GPATCH2: variants seen among roughly 807,000 people sequenced by gnomAD.
GPATCH2 encodes the protein G-patch domain containing 2.
GPATCH2 carries 51 observed loss-of-function variants against 58.0 expected under a neutral mutation model. The ratio of observed to expected loss-of-function variants is 0.88; its 90% CI spans 0.70 to 1.11. The LOEUF (loss-of-function observed/expected upper bound fraction) is 1.11. GPATCH2 is among the 50% of genes most tolerant of loss of function. The pLI is 0.00. For missense variants in GPATCH2, 625 were observed against 652.2 expected (o/e 0.96, Z 0.45); for synonymous variants, 222 against 218.5 (o/e 1.02, Z -0.14).
intron 1 of GPATCH2, among the ~76,000 whole-genome samples, chr1:217,629,902 G>C (rs1031629159): frequency 6.6e-6 from 1 of 152,194 alleles, no homozygotes; most frequent in African/African-American, 2.4e-5. Flanking sequence ...TAACTTTTCA[G>C]TGATAGGTGA....
chr1:217,429,406 A>T lies in GPATCH2; in HGVS notation c.*1739T>A, dbSNP rs1226850753. The T allele has an allele frequency of 6.6e-6, 1 of 152,180 alleles. No individual in the cohort carries two copies. The highest frequency in any genetic ancestry group is 2.4e-5 in the African/African-American group (1 of 41,438). 9.4% of individuals were successfully genotyped at this position (152,180 alleles called of 1,614,324 possible). On this transcript the variant is annotated 3_prime_UTR_variant, in exon 10 of 10. Transcript: ENST00000366935. ...AGAAGATAATTCTCAAGAAATGTACATTTGGCAAACCGTGAAGGCTTTCAA... is the reference window on the plus strand; with the variant it reads ...AGAAGATAATTCTCAAGAAATGTACTTTTGGCAAACCGTGAAGGCTTTCAA...
rs371312734 is a variant in GPATCH2, at chr1:217,626,092, C to G, written c.56+4824G>C. ...TTATCACCTAGTACTGGGTAAAACTCTCATCTTTACTTCTCTAAAACATGG... is the reference window on the plus strand; with the variant it reads ...TTATCACCTAGTACTGGGTAAAACTGTCATCTTTACTTCTCTAAAACATGG... On this transcript the variant is annotated intron_variant, in intron 1 of 9. Transcript: ENST00000366935. Among the ~76,000 whole-genome samples, 4 of 152,216 alleles carry G rather than the reference C, an allele frequency of 2.6e-5. No homozygotes were observed. In the East Asian group the frequency reaches 7.7e-4, roughly 29 times the overall value.
At chr1:217,481,006 G>C (rs2102517103) in intron 8 of GPATCH2, among the ~76,000 whole-genome samples, 1 of 152,262 alleles carries the variant, frequency 6.6e-6, no homozygotes, top group South Asian at 2.1e-4. Context: ...ACCAGAGACT[G>C]GGAAGGGGAG....
At chr1:217,533,467 C>T (rs1274016905) in intron 5 of GPATCH2, among the ~76,000 whole-genome samples, 3 of 152,080 alleles carry the variant, frequency 2.0e-5, no homozygotes, top group Non-Finnish European at 4.4e-5. Context: ...CCCTTGGGGA[C>T]CCACTGAAAG....
At chr1:217,433,372 ATATATATATATATT>A (rs1262442774) in intron 9 of GPATCH2, among the ~76,000 whole-genome samples, 3 of 83,110 alleles carry the variant, frequency 3.6e-5, no homozygotes, top group African/African-American at 2.1e-4. Context: ...ATATATATAT[ATATATATATATATT>A]TATTTATTTA....
At chr1:217,449,389 T>C (rs1490954755) in intron 8 of GPATCH2, 52 bp from the exon 9 acceptor site, 2 of 1,028,546 alleles carry the variant, frequency 1.9e-6, no homozygotes, top group Non-Finnish European at 1.5e-6. Context: ...AAATGACACA[T>C]AAATACACAG....
intron 9 of GPATCH2, among the ~76,000 whole-genome samples, chr1:217,431,657 C>T (rs1658540281): frequency 6.6e-6 from 1 of 152,172 alleles, no homozygotes; most frequent in South Asian, 2.1e-4. Flanking sequence ...TTGCCTATCT[C>T]ACAGAACTTT....
At chr1:217,545,127 C>T (rs1380120157) in intron 5 of GPATCH2, among the ~76,000 whole-genome samples, 4 of 152,166 alleles carry the variant, frequency 2.6e-5, no homozygotes, top group African/African-American at 9.7e-5. Context: ...TCTCTCTTTC[C>T]CTTGAAAGCC....
chr1:217,489,753 T>G (rs981480286), intron 8 of GPATCH2, among the ~76,000 whole-genome samples: 5 of 152,140 alleles, frequency 3.3e-5, no homozygotes, highest in Non-Finnish European at 7.3e-5. Context: ...TCCCAGCTAC[T>G]TGGGAGGCTG....
intron 3 of GPATCH2, 27 bp from the exon 4 acceptor site, chr1:217,611,098 CA>C (rs1668603736): frequency 1.3e-6 from 2 of 1,577,716 alleles, no homozygotes; most frequent in Non-Finnish European, 8.6e-7. Flanking sequence ...AACCCCCCCC[CA>C]CCAAAGACTC....
intron 6 of GPATCH2, among the ~76,000 whole-genome samples, chr1:217,500,485 C>T (rs540477964): frequency 6.6e-6 from 1 of 152,192 alleles, no homozygotes; most frequent in East Asian, 1.9e-4. Context: ...GAAGAACTCA[C>T]TCAAATAGTG....
intron 8 of GPATCH2, among the ~76,000 whole-genome samples, chr1:217,486,757 C>T (rs957207327): frequency 8.5e-5 from 13 of 152,134 alleles, no homozygotes; most frequent in Non-Finnish European, 1.5e-4. Flanking sequence ...GCTCTGGCAC[C>T]GGAAAACCAC....
chr1:217,436,828 T>C (rs1457468518), intron 9 of GPATCH2, among the ~76,000 whole-genome samples: 1 of 152,134 alleles, frequency 6.6e-6, no homozygotes, highest in Non-Finnish European at 1.5e-5. Flanking sequence ...AGTACCCCAG[T>C]TAGAACTTGA....
chr1:217,512,321 C>T (rs1432081164), intron 6 of GPATCH2, among the ~76,000 whole-genome samples: 1 of 151,970 alleles, frequency 6.6e-6, no homozygotes, highest in Admixed American at 6.5e-5. Flanking sequence ...GAGCAAGACC[C>T]TGTCTAAAAA....
At chr1:217,624,242 GCA>G (rs1558536423) in intron 1 of GPATCH2, among the ~76,000 whole-genome samples, 4 of 152,282 alleles carry the variant, frequency 2.6e-5, no homozygotes, top group African/African-American at 7.2e-5. Flanking sequence ...CATCGGCAGG[GCA>G]CAGTGTCTCA....
intron 1 of GPATCH2, among the ~76,000 whole-genome samples, chr1:217,624,491 C>G (rs10863331): frequency 6.6e-6 from 1 of 152,068 alleles, no homozygotes; most frequent in Non-Finnish European, 1.5e-5. Context: ...TACTCCAGCC[C>G]GGGAGGCAGA....
chr1:217,543,143 T>C (rs768584787), intron 5 of GPATCH2, among the ~76,000 whole-genome samples: 2 of 152,150 alleles, frequency 1.3e-5, no homozygotes, highest in Non-Finnish European at 2.9e-5. Context: ...GACTAAGAAA[T>C]TGCTAGTCAG....
At chr1:217,625,721 G>A (rs1049431271) in intron 1 of GPATCH2, among the ~76,000 whole-genome samples, 3 of 152,162 alleles carry the variant, frequency 2.0e-5, no homozygotes, top group Admixed American at 1.3e-4. Flanking sequence ...CAGTGATCAT[G>A]CCTGTAATCC....
chr1:217,468,808 A>T (rs755558862), intron 8 of GPATCH2, among the ~76,000 whole-genome samples: 84 of 152,240 alleles, frequency 5.5e-4, no homozygotes, highest in Middle Eastern at 3.4e-3. Flanking sequence ...CAGTGGGGAT[A>T]CAGATGAAAC....
Sources: gnomAD v4.1 joint callset for allele counts (sites outside exome capture counted in the v4.1 genomes callset) on GRCh38, gnomAD v4.1.1 for gene constraint, MANE v1.5 for transcripts, NCBI Gene and HGNC (gene_info 2026-07-23, HGNC 2026-07-21) for gene names.